FAM117B: variants seen among roughly 807,000 people sequenced by gnomAD.
FAM117B encodes the protein family with sequence similarity 117 member B.
A neutral mutation model predicts 52.8 loss-of-function variants in FAM117B; 22 were observed. That is an observed-to-expected ratio of 0.42 (90% CI 0.30 to 0.59). The LOEUF is 0.59. Among genes scored for constraint, FAM117B ranks in the 20% least tolerant of loss-of-function variants. The pLI, the probability that FAM117B is intolerant of heterozygous loss-of-function variation, is 0.22. For missense variants in FAM117B, 678 were observed against 802.6 expected (o/e 0.84, Z 1.88); for synonymous variants, 309 against 324.1 (o/e 0.95, Z 0.50).
chr2:202,635,215 TC>T lies in FAM117B; in HGVS notation c.33del (p.Thr12ArgfsTer24), dbSNP rs1450673911. MSQRVRRNG[S>X]PTPAGSLGGG... is the part of the protein sequence containing the mutation. ...GTCCCAGCGGGTGAGGCGCAATGGGTCCCCCACGCCGGCCGGCTCCCTTGGG... is the reference window on the plus strand; with the variant it reads ...GTCCCAGCGGGTGAGGCGCAATGGGTCCCCACGCCGGCCGGCTCCCTTGGG... On this transcript the variant is annotated frameshift_variant, in exon 1 of 8. Transcript: ENST00000392238. LOFTEE classifies it high-confidence loss of function. 5 of 1,296,840 alleles carry T rather than the reference TC, an allele frequency of 3.9e-6. No individual in the cohort carries two copies. Among genetic ancestry groups the T allele is most frequent in the South Asian group, 4.4e-5 (2 of 45,102 alleles). The allele number at this position is 1,296,840 out of a possible 1,614,324, so 80.3% of individuals were successfully genotyped here.
chr2:202,731,426 A>T (rs959861675), intron 4 of FAM117B, among the ~76,000 whole-genome samples: 10 of 141,528 alleles, frequency 7.1e-5, no homozygotes, highest in South Asian at 4.5e-4. Flanking sequence ...ATTTATTTTT[A>T]TTTTATTTTA....
intron 1 of FAM117B, among the ~76,000 whole-genome samples, chr2:202,659,677 C>T (rs1690101496): frequency 7.9e-6 from 1 of 127,364 alleles, no homozygotes; most frequent in Non-Finnish European, 1.6e-5. Context: ...TGCAATGGTG[C>T]GATCTTGGCT....
intron 7 of FAM117B, among the ~76,000 whole-genome samples, chr2:202,763,422 AG>A (rs1012184110): frequency 6.6e-6 from 1 of 152,136 alleles, no homozygotes; most frequent in African/African-American, 2.4e-5. Context: ...TTAAAAATCT[AG>A]CCCTCATTTG....
At chr2:202,649,759 C>T (rs1574540875) in intron 1 of FAM117B, among the ~76,000 whole-genome samples, 1 of 152,066 alleles carries the variant, frequency 6.6e-6, no homozygotes, top group African/African-American at 2.4e-5. Context: ...ACTGTGTTGG[C>T]CAGGCTGGTC....
chr2:202,673,434 T>G (rs963601268), intron 1 of FAM117B, among the ~76,000 whole-genome samples: 7 of 15,190 alleles, frequency 4.6e-4, no homozygotes, highest in South Asian at 3.4e-3. Context: ...TCTTTTTCTG[T>G]TTTTTTTTTT....
At chr2:202,714,533 C>CTTTT (rs1034689626) in intron 2 of FAM117B, among the ~76,000 whole-genome samples, 15 of 117,656 alleles carry the variant, frequency 1.3e-4, no homozygotes, top group Non-Finnish European at 2.2e-4. Flanking sequence ...TTTTTTTTTT[C>CTTTT]TTTTTTTTTT....
chr2:202,724,897 C>A lies in FAM117B; in HGVS notation c.754-20C>A. On this transcript the variant is annotated intron_variant, in intron 2 of 7. Transcript: ENST00000392238. The stretch of plus-strand genomic sequence containing the variant: ...GAAATGATTTTTGTTAAATACACCT[C>A]CCCTCTTTTTTCATTACAGACAGAG... The A allele has an allele frequency of 6.4e-7, 1 of 1,566,300 alleles. No individual in the cohort carries two copies. The highest frequency in any genetic ancestry group is 8.7e-7 in the Non-Finnish European group (1 of 1,149,970).
chr2:202,765,686 C>G lies in FAM117B; in HGVS notation c.1692C>G (p.Val564=), dbSNP rs778446395. The G allele has an allele frequency of 3.7e-6, 6 of 1,614,154 alleles. No individual in the cohort carries two copies. In the South Asian group the frequency reaches 6.6e-5, roughly 18 times the overall value. The part of the protein sequence containing the change: ...SLSTNTEQDR[V]SRGTSTVMPS... ...CTACAAACACAGAGCAAGACCGAGT[C>G]TCTCGAGGAACAAGTACAGTCATGC... The change falls in exon 8 of 8, where the codon GTC becomes GTG. Residue 564 remains valine, a synonymous_variant. Coordinates refer to ENST00000392238, the MANE Select transcript of FAM117B (RefSeq NM_173511.4).
At chr2:202,740,231 ACACCTTT>A (rs1691510806) in intron 4 of FAM117B, among the ~76,000 whole-genome samples, 1 of 142,182 alleles carries the variant, frequency 7.0e-6, no homozygotes. Context: ...GTGGTGGCAA[ACACCTTT>A]AATCCCAGCT....
intron 7 of FAM117B, among the ~76,000 whole-genome samples, chr2:202,765,138 A>G (rs994577272): frequency 6.6e-6 from 1 of 152,152 alleles, no homozygotes; most frequent in Admixed American, 6.5e-5. Context: ...GTCTTAGCTC[A>G]TCATTGACAT....
intron 1 of FAM117B, among the ~76,000 whole-genome samples, chr2:202,642,850 A>C (rs112824200): frequency 7.2e-5 from 11 of 152,338 alleles, no homozygotes; most frequent in African/African-American, 2.6e-4. Flanking sequence ...CTGGGAGGAA[A>C]CAAGCATTTT....
intron 1 of FAM117B, among the ~76,000 whole-genome samples, chr2:202,660,911 G>A (rs1484849174): frequency 8.5e-5 from 13 of 152,238 alleles, no homozygotes; most frequent in Admixed American, 8.5e-4. Context: ...ACTTGGGCTA[G>A]GGCCAGAAGA....
In FAM117B at chr2:202,635,807, G is replaced by T; in HGVS notation, c.601+19G>T. The T allele has an allele frequency of 7.1e-7, 1 of 1,417,758 alleles. No individual in the cohort carries two copies. The highest frequency in any genetic ancestry group is 9.2e-7 in the Non-Finnish European group (1 of 1,085,662). The allele number at this position is 1,417,758 out of a possible 1,614,324, so 87.8% of individuals were successfully genotyped here. ...AAAGCAGGTAAGTGCTGGGGGTCGC[G>T]CAGCAAGGGGGAGGCGGCTGCGGGA... On this transcript the variant is annotated intron_variant, in intron 1 of 7. Coordinates refer to ENST00000392238, the MANE Select transcript of FAM117B (RefSeq NM_173511.4).
intron 1 of FAM117B, among the ~76,000 whole-genome samples, chr2:202,652,331 C>A (rs995661662): frequency 6.6e-6 from 1 of 152,054 alleles, no homozygotes; most frequent in African/African-American, 2.4e-5. Context: ...AAACTCATGG[C>A]TTCAGACAAT....
chr2:202,743,326 A>G (rs886232038), intron 4 of FAM117B, among the ~76,000 whole-genome samples: 6 of 152,222 alleles, frequency 3.9e-5, no homozygotes, highest in African/African-American at 1.4e-4. Flanking sequence ...AGACTACACT[A>G]CTGCACCCAC....
intron 2 of FAM117B, among the ~76,000 whole-genome samples, chr2:202,713,053 G>A (rs895108323): frequency 1.3e-5 from 2 of 152,156 alleles, no homozygotes; most frequent in Non-Finnish European, 2.9e-5. Flanking sequence ...CGTAGAATGA[G>A]TTTGGAAATA....
chr2:202,686,307 G>T (rs1293224260), intron 1 of FAM117B, among the ~76,000 whole-genome samples: 3 of 152,220 alleles, frequency 2.0e-5, no homozygotes, highest in Non-Finnish European at 4.4e-5. Flanking sequence ...GTAATGCATT[G>T]TTGGTGGGAA....
At chr2:202,738,247 A>C (rs1305167969) in intron 4 of FAM117B, among the ~76,000 whole-genome samples, 3 of 152,220 alleles carry the variant, frequency 2.0e-5, no homozygotes, top group African/African-American at 4.8e-5. Flanking sequence ...AAACATAAAA[A>C]AATTTTGTTG....
intron 1 of FAM117B, among the ~76,000 whole-genome samples, chr2:202,671,346 A>G (rs1273122633): frequency 6.6e-6 from 1 of 152,236 alleles, no homozygotes; most frequent in African/African-American, 2.4e-5. Flanking sequence ...ACTGGTCATC[A>G]GTCTCGCTGA....
Sources: gnomAD v4.1 joint callset for allele counts (sites outside exome capture counted in the v4.1 genomes callset) on GRCh38, gnomAD v4.1.1 for gene constraint, MANE v1.5 for transcripts, NCBI Gene and HGNC (gene_info 2026-07-23, HGNC 2026-07-21) for gene names.